The following HS3ST3A1 variants were observed in gnomAD, a reference collection of about 807,000 sequenced individuals.
HS3ST3A1 encodes heparan sulfate glucosamine 3-O-sulfotransferase 3A1.
A neutral mutation model predicts 25.7 loss-of-function variants in HS3ST3A1; 19 were observed. The observed-to-expected ratio is 0.74, with a 90% CI of 0.52 to 1.08. HS3ST3A1 has a LOEUF of 1.08. Among genes scored for constraint, HS3ST3A1 ranks in the 50% least tolerant of loss-of-function variants. The probability of loss-of-function intolerance (pLI) is 0.00; values close to 1 mark genes in which losing one functional copy is unlikely to be tolerated. For synonymous variants in HS3ST3A1, 226 were observed against 278.6 expected, an observed-to-expected ratio of 0.81 and a Z score of 1.88; for missense variants, 459 against 594.3, an observed-to-expected ratio of 0.77 and a Z score of 2.37.
At chr17:13,532,926 C>T (rs1040036672) in intron 1 of HS3ST3A1, among the ~76,000 whole-genome samples, 1 of 145,108 alleles carries the variant, frequency 6.9e-6, no homozygotes, top group Admixed American at 6.9e-5. Flanking sequence ...CACACACACA[C>T]ATGCTTTGAC....
At chr17:13,580,901 C>CA (rs938969724) in intron 1 of HS3ST3A1, among the ~76,000 whole-genome samples, 2 of 151,326 alleles carry the variant, frequency 1.3e-5, no homozygotes, top group East Asian at 2.0e-4. Flanking sequence ...CAAAAACAAA[C>CA]AAAAAAAAGA....
At chr17:13,506,984 G>A (rs977097359) in intron 1 of HS3ST3A1, among the ~76,000 whole-genome samples, 5 of 150,560 alleles carry the variant, frequency 3.3e-5, no homozygotes, top group East Asian at 3.9e-4. Flanking sequence ...TGGGAGAATC[G>A]CTTGAACCCG....
At chr17:13,528,051 G>A (rs946617718) in intron 1 of HS3ST3A1, among the ~76,000 whole-genome samples, 1 of 152,090 alleles carries the variant, frequency 6.6e-6, no homozygotes, top group Non-Finnish European at 1.5e-5. Flanking sequence ...ATACTGATCC[G>A]TGTCATCGGA....
intron 1 of HS3ST3A1, among the ~76,000 whole-genome samples, chr17:13,585,266 C>T (rs563789526): frequency 8.4e-6 from 1 of 119,688 alleles, no homozygotes; most frequent in Non-Finnish European, 1.6e-5. Flanking sequence ...GTGGTGCAAT[C>T]TCAGCTCACT....
At chr17:13,507,138 T>A (rs142745270) in intron 1 of HS3ST3A1, among the ~76,000 whole-genome samples, 260 of 150,850 alleles carry the variant, frequency 1.7e-3, no homozygotes, top group African/African-American at 6.0e-3. Flanking sequence ...TGGATAGGAC[T>A]ACATTAAAAA....
chr17:13,551,620 A>G (rs3785704), intron 1 of HS3ST3A1, among the ~76,000 whole-genome samples: 110 of 99,134 alleles, frequency 1.1e-3, no homozygotes, highest in Non-Finnish European at 1.6e-3. Flanking sequence ...TCCAAGAAAA[A>G]AAAAAGGGGG....
intron 1 of HS3ST3A1, among the ~76,000 whole-genome samples, chr17:13,600,216 CTT>C (rs11289469): frequency 0.013 from 1,946 of 149,066 alleles, 36 homozygotes; most frequent in African/African-American, 0.043. Context: ...TTAGAAGAGA[CTT>C]TTTTTTTTTC....
At chr17:13,520,618 C>CTTTTT (rs112863523) in intron 1 of HS3ST3A1, among the ~76,000 whole-genome samples, 1 of 147,770 alleles carries the variant, frequency 6.8e-6, no homozygotes, top group Non-Finnish European at 1.5e-5. Context: ...TTCTTTCTTT[C>CTTTTT]TTTTTTTTTT....
At chr17:13,578,912 T>C (rs1379302929) in intron 1 of HS3ST3A1, among the ~76,000 whole-genome samples, 2 of 152,212 alleles carry the variant, frequency 1.3e-5, no homozygotes, top group African/African-American at 4.8e-5. Context: ...CTCAAATTTG[T>C]CATTTTTATT....
At chr17:13,600,506 C>T (rs1439514028) in intron 1 of HS3ST3A1, 25 bp downstream of exon 1, 1 of 1,566,536 alleles carries the variant, frequency 6.4e-7, no homozygotes, top group Admixed American at 1.8e-5. Flanking sequence ...ATCCTTCAGC[C>T]CCAGCCCGGG....
intron 1 of HS3ST3A1, among the ~76,000 whole-genome samples, chr17:13,529,378 T>A (rs1263333862): frequency 1.3e-5 from 2 of 152,182 alleles, no homozygotes; most frequent in Admixed American, 1.3e-4. Context: ...ATAACTTCCT[T>A]AAGCCCATTA....
chr17:13,512,146 A>G (rs2142307829), intron 1 of HS3ST3A1, among the ~76,000 whole-genome samples: 1 of 152,026 alleles, frequency 6.6e-6, no homozygotes, highest in Admixed American at 6.5e-5. Context: ...AAAAATACAA[A>G]AAATTAGCCG....
intron 1 of HS3ST3A1, among the ~76,000 whole-genome samples, chr17:13,508,766 T>C (rs1445386114): frequency 6.6e-6 from 1 of 152,204 alleles, no homozygotes; most frequent in Non-Finnish European, 1.5e-5. Context: ...GAAATAACTT[T>C]ACAACACTGA....
At chr17:13,598,769 T>C (rs1353449638) in intron 1 of HS3ST3A1, among the ~76,000 whole-genome samples, 3 of 151,998 alleles carry the variant, frequency 2.0e-5, no homozygotes, top group Non-Finnish European at 2.9e-5. Flanking sequence ...GAAAATAAGA[T>C]CCAGGTCTGC....
intron 1 of HS3ST3A1, among the ~76,000 whole-genome samples, chr17:13,558,713 C>A (rs985556226): frequency 1.3e-5 from 2 of 152,078 alleles, no homozygotes; most frequent in African/African-American, 4.8e-5. Context: ...GTACCATTTG[C>A]AGACTTAATA....
At chr17:13,542,329 CAAAAA>C (rs61165551) in intron 1 of HS3ST3A1, among the ~76,000 whole-genome samples, 1 of 116,898 alleles carries the variant, frequency 8.6e-6, no homozygotes, top group Non-Finnish European at 1.9e-5. Context: ...ACTCTGTTTC[CAAAAA>C]AAAAAAAAAA....
chr17:13,597,904 T>G (rs575038605), intron 1 of HS3ST3A1, among the ~76,000 whole-genome samples: 1 of 152,330 alleles, frequency 6.6e-6, no homozygotes, highest in East Asian at 1.9e-4. Context: ...TTGCAGCAGA[T>G]TTGTCCCTTT....
intron 1 of HS3ST3A1, among the ~76,000 whole-genome samples, chr17:13,539,378 G>A (rs933952847): frequency 1.5e-4 from 23 of 152,214 alleles, no homozygotes; most frequent in Non-Finnish European, 2.6e-4. Context: ...GCATATCTAT[G>A]GAGACAGTCA....
intron 1 of HS3ST3A1, among the ~76,000 whole-genome samples, chr17:13,556,236 G>A (rs537494523): frequency 6.6e-5 from 10 of 152,298 alleles, no homozygotes; most frequent in Non-Finnish European, 7.3e-5. Flanking sequence ...GGCCGGGCGC[G>A]GTGGCTCACA....
Sources: allele counts gnomAD v4.1 joint callset (sites outside exome capture counted in the v4.1 genomes callset), GRCh38; gene constraint gnomAD v4.1.1; transcripts MANE v1.5; gene names NCBI Gene and HGNC (gene_info 2026-07-23, HGNC 2026-07-21).